The following WDR46 variants were observed in gnomAD, a reference collection of about 807,000 sequenced individuals.
WDR46 encodes the protein WD repeat-containing protein 46.
In WDR46, 58 loss-of-function variants were observed where a neutral mutation model predicts 74.7. That is an observed-to-expected ratio of 0.78 (90% CI 0.63 to 0.97). The LOEUF is 0.97. Among genes scored for constraint, WDR46 ranks in the 50% least tolerant of loss-of-function variants. WDR46 has a pLI of 0.00. For missense variants in WDR46, 702 were observed against 790.1 expected (o/e 0.89, Z 1.34); for synonymous variants, 278 against 297.3 (o/e 0.93, Z 0.67).
chr6:33,287,733 G>A lies in WDR46; in HGVS notation c.624-15C>T, dbSNP rs1362662826. ...AAGCCAGGTGTCTGTTGGAGGTGAG[G>A]GGCAGGCAGGGTGTTAAGGCAGGGG... On this transcript the variant is annotated splice_polypyrimidine_tract_variant and intron_variant, in intron 6 of 14. Transcript: ENST00000374617. 2 of 1,613,056 alleles carry A rather than the reference G, an allele frequency of 1.2e-6. No individual in the cohort carries two copies. The highest frequency in any genetic ancestry group is 4.5e-5 in the East Asian group (2 of 44,824).
Position 33,288,362 on chromosome 6 carries a change from G to T in WDR46, c.469C>A (p.Pro157Thr), listed in dbSNP as rs1210522747. 3.7e-6 allele frequency: 6 copies of T among 1,614,008 alleles called. No individual in the cohort carries two copies. Among genetic ancestry groups the T allele is most frequent in the Non-Finnish European group, 5.1e-6 (6 of 1,180,032 alleles). ...TCCAGATTAGGGCTCACTCACCCAG[G>T]TTCTTCAGCAAGCAGCAGCTCAGAA... Reference protein sequence around the residue: ...ARSELLLAEEPGFLEGEDGED... With the variant: ...ARSELLLAEETGFLEGEDGED... Residue 157 changes from proline to threonine, a missense_variant, in exon 4 of 15, where the codon CCT (proline) becomes ACT (threonine). Physicochemically the swap from Pro to Thr is conservative, Grantham distance 38. Transcript: ENST00000374617.
At chr6:33,286,996 G>A in intron 9 of WDR46, 95 bp downstream of exon 9, 1 of 1,584,106 alleles carries the variant, frequency 6.3e-7, no homozygotes. Flanking sequence ...ACAAAAAAGG[G>A]AAATAAAAGG....
intron 5 of WDR46, 45 bp from the exon 6 acceptor site, chr6:33,288,071 CCTT>C (rs955062467): frequency 2.5e-6 from 4 of 1,613,868 alleles, no homozygotes; most frequent in Non-Finnish European, 8.5e-7. Flanking sequence ...TGCAGTAACG[CCTT>C]CTTCTAGCCC....
Position 33,279,490 on chromosome 6 carries a change from C to T in WDR46, c.1734+7G>A. 6.2e-7 allele frequency: 1 copy of T among 1,612,358 alleles called. No individual in the cohort carries two copies. The highest frequency in any genetic ancestry group is 8.5e-7 in the Non-Finnish European group (1 of 1,180,040). ...GGAAGGCCCGGCCCATGCCAATGCT[C>T]ATTTACCCTGTGTTCCTCATCCATG... On this transcript the variant is annotated splice_region_variant and intron_variant, in intron 14 of 14. Transcript: ENST00000374617.
chr6:33,282,833 TGGGCAG>T (rs1233218508), intron 10 of WDR46, among the ~76,000 whole-genome samples: 1 of 152,202 alleles, frequency 6.6e-6, no homozygotes, highest in African/African-American at 2.4e-5. Context: ...CAGAAACCCT[TGGGCAG>T]GCCTTCTGAC....
rs745845215 is a variant in WDR46, at chr6:33,288,419, C to T, written c.412G>A (p.Glu138Lys). 6.2e-7 allele frequency: 1 copy of T among 1,614,182 alleles called. No homozygotes were observed. The highest frequency in any genetic ancestry group is 1.1e-5 in the South Asian group (1 of 91,088). Residue 138 changes from glutamate (E) to lysine (K), a missense_variant, in exon 4 of 15, where the codon GAG (glutamate) becomes AAG (lysine). Physicochemically the swap from Glu to Lys is moderately conservative, Grantham distance 56 (BLOSUM62 1). Coordinates refer to ENST00000374617, the MANE Select transcript of WDR46 (RefSeq NM_005452.6). ...GCTTTGATACTTGTTTCCTCTTCCT[C>T]AGCTTCAGCCACCTCAAGTCGGCTT... ...TRSRLEVAEA[E>K]EEETSIKAAR...
intron 13 of WDR46, 77 bp from the exon 14 acceptor site, chr6:33,279,687 C>T (rs1765955320): frequency 2.5e-6 from 4 of 1,612,464 alleles, no homozygotes; most frequent in South Asian, 2.2e-5. Context: ...GCTGGCCGCA[C>T]TTCTGGGGAC....
At chr6:33,286,674 G>T (rs1766664376) in intron 10 of WDR46, 121 bp downstream of exon 10, 3 of 914,026 alleles carry the variant, frequency 3.3e-6, no homozygotes, top group Non-Finnish European at 5.2e-6. Flanking sequence ...CCCATCCGTG[G>T]TAACACTGCG....
intron 10 of WDR46, among the ~76,000 whole-genome samples, chr6:33,285,464 C>T (rs1418226181): frequency 6.6e-6 from 1 of 152,072 alleles, no homozygotes; most frequent in Admixed American, 6.6e-5. Context: ...CCACCTCAGC[C>T]TACCAAACTG....
chr6:33,279,613 G>A lies in WDR46; in HGVS notation c.1621-3C>T, dbSNP rs1765946782. 6.2e-7 allele frequency: 1 copy of A among 1,614,160 alleles called. No individual in the cohort carries two copies. The highest frequency in any genetic ancestry group is 8.5e-7 in the Non-Finnish European group (1 of 1,180,034). On this transcript the variant is annotated splice_polypyrimidine_tract_variant and splice_region_variant and intron_variant, in intron 13 of 14. Coordinates refer to ENST00000374617, the MANE Select transcript of WDR46 (RefSeq NM_005452.6). ...GCCTTAGCCTGCGGGTCATAGCCCTGAGGGAGGGGACAGGAGTGATATCTG... is the reference window on the plus strand; with the variant it reads ...GCCTTAGCCTGCGGGTCATAGCCCTAAGGGAGGGGACAGGAGTGATATCTG...
rs1411724915 is a variant in WDR46 at position 33,288,015 on chromosome 6, C to T, written c.573G>A (p.Leu191=). Residue 191 remains leucine (L), a synonymous_variant, in exon 6 of 15, where the codon TTG becomes TTA. Coordinates refer to ENST00000374617, the MANE Select transcript of WDR46 (RefSeq NM_005452.6). ...TGTAGGGTCCAAACTGCCGCAGATT[C>T]AAGTCAAAGTGCTGGGAAAGAGAAG... ...DIASAAKHFD[L]NLRQFGPYRL... is the part of the protein sequence containing the mutation. 2 of 1,614,168 alleles carry T rather than the reference C, an allele frequency of 1.2e-6. No homozygotes were observed. Among genetic ancestry groups the T allele is most frequent in the Non-Finnish European group, 1.7e-6 (2 of 1,180,026 alleles).
Position 33,281,003 on chromosome 6 carries a change from G to A in WDR46, c.1116-16C>T. ...GGCCATGTACCTGGTGAGAGAAGAG[G>A]GATCAATTAATATGTCAGTAAATGG... On this transcript the variant is annotated splice_polypyrimidine_tract_variant and intron_variant, in intron 10 of 14. Coordinates refer to ENST00000374617, the MANE Select transcript of WDR46 (RefSeq NM_005452.6). 6.3e-7 allele frequency: 1 copy of A among 1,577,358 alleles called. No individual in the cohort carries two copies. The highest frequency in any genetic ancestry group is 8.6e-7 in the Non-Finnish European group (1 of 1,159,692).
intron 4 of WDR46, 56 bp from the exon 5 acceptor site, chr6:33,288,291 A>G (rs557048394): frequency 6.2e-7 from 1 of 1,613,770 alleles, no homozygotes; most frequent in East Asian, 2.2e-5. Flanking sequence ...CAAGTATACC[A>G]ACATAAAAAC....
chr6:33,279,413 A>G, intron 14 of WDR46, 39 bp from the exon 15 acceptor site: 1 of 1,612,090 alleles, frequency 6.2e-7, no homozygotes, highest in Non-Finnish European at 8.5e-7. Context: ...GCACAGAGTG[A>G]GAAGTGGCAG....
rs1047487926 is a variant in WDR46 at position 33,287,511 on chromosome 6, G to A, written c.729-6C>T. The A allele has an allele frequency of 3.1e-6, 5 of 1,613,330 alleles. No individual in the cohort carries two copies. The highest frequency in any genetic ancestry group is 4.2e-6 in the Non-Finnish European group (5 of 1,179,920). On this transcript the variant is annotated splice_region_variant and splice_polypyrimidine_tract_variant and intron_variant, in intron 7 of 14. Coordinates refer to ENST00000374617, the MANE Select transcript of WDR46 (RefSeq NM_005452.6). ...GTGCCTCAGAATGGAGAAACCTGGG[G>A]GAGAGGAAGAGTGGTTCAATTGGGA...
Position 33,283,565 on chromosome 6 carries a change from A to AT in WDR46, c.1116-2579dup, listed in dbSNP as rs1766368402. Among the ~76,000 whole-genome samples, 3 of 152,230 alleles carry AT rather than the reference A, an allele frequency of 2.0e-5. No individual in the cohort carries two copies. The East Asian group carries it at 5.8e-4, about 29-fold the overall frequency. ...CGGTGACCTATCCAGTGATGGACAC[A>AT]TTGAGTCTGGGATGACAGAGGATAA... On this transcript the variant is annotated intron_variant, in intron 10 of 14. Transcript: ENST00000374617.
chr6:33,280,885 G>C lies in WDR46; in HGVS notation c.1218C>G (p.His406Gln). The C allele has an allele frequency of 6.2e-7, 1 of 1,614,220 alleles. No homozygotes were observed. The highest frequency in any genetic ancestry group is 8.5e-7 in the Non-Finnish European group (1 of 1,180,040). Reference protein sequence around the residue: ...STRTLPHGAGHLAFSQRGLLV... With the variant: ...STRTLPHGAGQLAFSQRGLLV... ...GCAGTCCCCTCTGGGAGAAGGCCAGGTGCCCTGCTCCATGGGGCAGGGTCC... is the reference window on the plus strand; with the variant it reads ...GCAGTCCCCTCTGGGAGAAGGCCAGCTGCCCTGCTCCATGGGGCAGGGTCC... Residue 406 changes from histidine (H) to glutamine (Q), a missense_variant, in exon 11 of 15, where the codon CAC becomes CAG. Physicochemically the swap from His to Gln is conservative, Grantham distance 24 (BLOSUM62 0). Coordinates refer to ENST00000374617, the MANE Select transcript of WDR46 (RefSeq NM_005452.6).
intron 10 of WDR46, among the ~76,000 whole-genome samples, chr6:33,282,518 G>C (rs1176061214): frequency 6.6e-6 from 1 of 152,198 alleles, no homozygotes; most frequent in Non-Finnish European, 1.5e-5. Flanking sequence ...TGTACTACTA[G>C]TAAGCAGCAG....
Position 33,280,053 on chromosome 6 carries a change from C to T in WDR46, c.1525-194G>A, listed in dbSNP as rs950540894. Reference sequence around the variant, plus strand: ...GGCCTCACTCTCTGCAGCAGGGGAACCTCACCTCCAACAGGGGCAATCTCA... The same window carrying T: ...GGCCTCACTCTCTGCAGCAGGGGAATCTCACCTCCAACAGGGGCAATCTCA... On this transcript the variant is annotated intron_variant, in intron 12 of 14. Coordinates refer to ENST00000374617, the MANE Select transcript of WDR46 (RefSeq NM_005452.6). 5.3e-5 allele frequency among the ~76,000 whole-genome samples: 8 copies of T among 152,100 alleles called. No individual in the cohort carries two copies. In the South Asian group the frequency reaches 8.3e-4, roughly 16 times the overall value.
Sources: allele counts gnomAD v4.1 joint callset (sites outside exome capture counted in the v4.1 genomes callset), GRCh38; gene constraint gnomAD v4.1.1; transcripts MANE v1.5; gene names NCBI Gene and HGNC (gene_info 2026-07-23, HGNC 2026-07-21).